Variants in AFAP1L2 observed in about 807,000 individuals in gnomAD.
AFAP1L2 encodes actin filament associated protein 1 like 2, also known as actin filament-associated protein 1-like 2.
Under a neutral mutation model 99.3 loss-of-function variants are expected in AFAP1L2, and 46 were observed. That is an observed-to-expected ratio of 0.46 (90% CI 0.37 to 0.59). AFAP1L2 has a LOEUF of 0.59. AFAP1L2 is among the 20% of genes least tolerant of loss of function. The pLI, the probability that AFAP1L2 is intolerant of heterozygous loss-of-function variation, is 0.00. For synonymous variants in AFAP1L2, 397 were observed against 419.1 expected (o/e 0.95, Z 0.64); for missense variants, 959 against 1,034.9 (o/e 0.93, Z 1.01).
intron 1 of AFAP1L2, among the ~76,000 whole-genome samples, chr10:114,375,637 G>T (rs936046915): frequency 2.6e-5 from 4 of 152,098 alleles, no homozygotes; most frequent in African/African-American, 9.7e-5. Context: ...TTAGCTTGAA[G>T]GCCCTTGGCT....
intron 5 of AFAP1L2, among the ~76,000 whole-genome samples, chr10:114,320,269 A>G: frequency 6.6e-6 from 1 of 152,340 alleles, no homozygotes; most frequent in East Asian, 1.9e-4. Flanking sequence ...AGAGAGAGGG[A>G]CATGACCCAG....
At chr10:114,345,482 T>A (rs61091485) in intron 1 of AFAP1L2, among the ~76,000 whole-genome samples, 8,628 of 152,128 alleles carry the variant, frequency 0.057, 574 homozygotes, top group African/African-American at 0.16. Context: ...TATGGAATGA[T>A]GAGGGTGTGA....
At chr10:114,341,783 G>T (rs933316803) in intron 1 of AFAP1L2, among the ~76,000 whole-genome samples, 1 of 152,000 alleles carries the variant, frequency 6.6e-6, no homozygotes, top group Non-Finnish European at 1.5e-5. Flanking sequence ...ACACATCATG[G>T]TCTTCTCCCC....
chr10:114,387,467 A>C (rs1305043223), intron 1 of AFAP1L2, among the ~76,000 whole-genome samples: 1 of 152,182 alleles, frequency 6.6e-6, no homozygotes, highest in Non-Finnish European at 1.5e-5. Flanking sequence ...AGGCATCAGA[A>C]ATAAACATGG....
chr10:114,292,317 GTGTTTATGGAAT>G (rs1201401720), downstream of AFAP1L2, among the ~76,000 whole-genome samples: 2 of 151,852 alleles, frequency 1.3e-5, no homozygotes, highest in Non-Finnish European at 1.5e-5. Context: ...TAATTGTGGC[GTGTTTATGGAAT>G]TCTTTCCTTA....
the AFAP1L2 span, chr10:114,289,216 A>G: frequency 1.9e-6 from 3 of 1,613,836 alleles, no homozygotes; most frequent in Non-Finnish European, 2.5e-6. Flanking sequence ...CCTGCTGCAC[A>G]TCTATGACAA....
At chr10:114,335,694 C>T (rs912864182) in intron 2 of AFAP1L2, among the ~76,000 whole-genome samples, 12 of 151,906 alleles carry the variant, frequency 7.9e-5, no homozygotes, top group Admixed American at 5.9e-4. Context: ...TCTACCCAAT[C>T]GTGAAAACTA....
rs774850456 is a variant in AFAP1L2, at chr10:114,299,272, GT to G, written c.2100del (p.Leu701Ter). ...GGGGCCCCCTTACCTGTGCATTTCA[GT>G]AGGGTTTCCTTTAGCTCCCGTTTCT... is the stretch of plus-strand genomic sequence containing the variant. ...RKEKRELKET[L>X]LKCTDKEVLA... On this transcript the variant is annotated frameshift_variant, in exon 16 of 19. Coordinates refer to ENST00000304129, the MANE Select transcript of AFAP1L2 (RefSeq NM_001001936.3). LOFTEE classifies it high-confidence loss of function. 6.2e-7 allele frequency: 1 copy of G among 1,614,236 alleles called. No individual in the cohort carries two copies. Among genetic ancestry groups the G allele is most frequent in the Non-Finnish European group, 8.5e-7 (1 of 1,180,034 alleles).
intron 7 of AFAP1L2, among the ~76,000 whole-genome samples, chr10:114,312,697 A>G (rs2043444978): frequency 6.6e-6 from 1 of 152,254 alleles, no homozygotes; most frequent in South Asian, 2.1e-4. Flanking sequence ...CTGGCCTTTC[A>G]GAGCTTGTTA....
the AFAP1L2 span, chr10:114,289,388 G>A: frequency 5.0e-6 from 8 of 1,614,212 alleles, no homozygotes; most frequent in Non-Finnish European, 6.8e-6. Context: ...CTAAGTGAGG[G>A]TCTGCGGAGG....
At chr10:114,402,123 C>T (rs115858453) in intron 1 of AFAP1L2, among the ~76,000 whole-genome samples, 2,558 of 152,208 alleles carry the variant, frequency 0.017, 86 homozygotes, top group African/African-American at 0.057. Flanking sequence ...CTGCTTTTTC[C>T]GTTTAACTTT....
At chr10:114,307,760 C>A in intron 10 of AFAP1L2, 45 bp downstream of exon 10, 1 of 1,552,000 alleles carries the variant, frequency 6.4e-7, no homozygotes, top group Non-Finnish European at 8.9e-7. Flanking sequence ...CAGGTTCCAG[C>A]CCAGGAAATG....
At chr10:114,390,792 C>T (rs1257946203) in intron 1 of AFAP1L2, among the ~76,000 whole-genome samples, 11 of 151,714 alleles carry the variant, frequency 7.3e-5, no homozygotes, top group Admixed American at 6.6e-4. Flanking sequence ...CTCAGCTCTG[C>T]ATGAAGATGG....
At chr10:114,401,323 A>G (rs111672079) in intron 1 of AFAP1L2, among the ~76,000 whole-genome samples, 39 of 152,246 alleles carry the variant, frequency 2.6e-4, no homozygotes, top group African/African-American at 8.9e-4. Context: ...GCCCAGACCC[A>G]CTCACCAGCT....
chr10:114,389,230 A>C (rs1240417364), intron 1 of AFAP1L2, among the ~76,000 whole-genome samples: 5 of 152,222 alleles, frequency 3.3e-5, no homozygotes, highest in Non-Finnish European at 7.3e-5. Flanking sequence ...CATCTGGTCC[A>C]CATGGACCTC....
chr10:114,341,839 C>G (rs146553896), intron 1 of AFAP1L2, among the ~76,000 whole-genome samples: 2 of 152,070 alleles, frequency 1.3e-5, no homozygotes, highest in East Asian at 3.9e-4. Context: ...GGTAGTTATC[C>G]GTATAGATCT....
intron 5 of AFAP1L2, among the ~76,000 whole-genome samples, chr10:114,318,914 A>G (rs1410487442): frequency 6.6e-6 from 1 of 151,966 alleles, no homozygotes; most frequent in African/African-American, 2.4e-5. Context: ...AGTACTTTGG[A>G]AGGCTGAGGA....
rs1367636063 is a variant in AFAP1L2 at position 114,301,485 on chromosome 10, G to GCA, written c.1431-22_1431-21dup. 1 of 1,570,438 alleles carries GCA rather than the reference G, an allele frequency of 6.4e-7. No homozygotes were observed. The highest frequency in any genetic ancestry group is 1.4e-5 in the African/African-American group (1 of 74,060). ...ATCAGTCTGGAAACAGGGCGAGGTG[G>GCA]CACACATGAAGCAGCCGGGGCAGGG... On this transcript the variant is annotated intron_variant, in intron 12 of 18. Transcript: ENST00000304129.
intron 1 of AFAP1L2, among the ~76,000 whole-genome samples, chr10:114,381,870 T>TAC (rs10667879): frequency 0.5 from 74,449 of 150,288 alleles, 19,891 homozygotes; most frequent in East Asian, 0.67. Context: ...GAAGAGAGTG[T>TAC]ACACACACAC....
Sources: gnomAD v4.1 joint callset for allele counts (sites outside exome capture counted in the v4.1 genomes callset) on GRCh38, gnomAD v4.1.1 for gene constraint, MANE v1.5 for transcripts, NCBI Gene and HGNC (gene_info 2026-07-23, HGNC 2026-07-21) for gene names.